SHANK2: variants seen among roughly 807,000 people sequenced by gnomAD.
The protein encoded by SHANK2 is SH3 and multiple ankyrin repeat domains 2.
A neutral mutation model predicts 133.7 loss-of-function variants in SHANK2; 43 were observed. The observed-to-expected ratio is 0.32, with a 90% CI of 0.25 to 0.41. SHANK2 has a LOEUF of 0.41. SHANK2 is among the 10% of genes least tolerant of loss of function. The probability of loss-of-function intolerance (pLI) is 1.00; values close to 1 mark genes in which losing one functional copy is unlikely to be tolerated. For missense variants in SHANK2, 1,994 were observed against 2,235.8 expected, an observed-to-expected ratio of 0.89 and a Z score of 2.18; for synonymous variants, 1,017 against 952.8, an observed-to-expected ratio of 1.07 and a Z score of -1.24.
intron 3 of SHANK2, among the ~76,000 whole-genome samples, chr11:71,128,968 A>G (rs140409292): frequency 0.011 from 1,715 of 152,264 alleles, 36 homozygotes; most frequent in African/African-American, 0.039. Context: ...TATTTTTAGT[A>G]GAGACAGGGT....
chr11:70,642,518 C>T (rs1022416906), intron 17 of SHANK2, among the ~76,000 whole-genome samples: 9 of 152,192 alleles, frequency 5.9e-5, no homozygotes, highest in African/African-American at 1.7e-4. Flanking sequence ...ATGGGGACGG[C>T]GGCTCAGCCT....
chr11:70,496,895 G>A (rs576232056), intron 21 of SHANK2: 514 of 452,350 alleles, frequency 1.1e-3, no homozygotes, highest in Non-Finnish European at 1.6e-3. Flanking sequence ...CATCACAGTC[G>A]CCACATCAGA....
At position 70,471,530 on chromosome 11, in the gene SHANK2, G is replaced by A. The variant is rs1269858824; in HGVS notation, c.*1339C>T. 22 of 397,502 alleles carry A rather than the reference G, an allele frequency of 5.5e-5. No homozygotes were observed. Among genetic ancestry groups the A allele is most frequent in the Middle Eastern group, 6.2e-4 (1 of 1,604 alleles). 24.6% of individuals were successfully genotyped at this position (397,502 alleles called of 1,614,324 possible). ...CAGAGAGGCTGACCTGGCAGCCCAG[G>A]AGACCTCCCTGCTTTCCTCTCCTCA... On this transcript the variant is annotated 3_prime_UTR_variant, in exon 26 of 26. Transcript: ENST00000601538. The surrounding 1 kb of genome is among the most constrained non-coding windows in gnomAD (Gnocchi z 4.1).
chr11:71,140,165 G>C (rs1352278758), intron 3 of SHANK2, among the ~76,000 whole-genome samples: 1 of 152,204 alleles, frequency 6.6e-6, no homozygotes, highest in African/African-American at 2.4e-5. Flanking sequence ...GCTCACACCC[G>C]GGGGATTTCT....
chr11:70,663,408 C>T (rs1352897253), intron 15 of SHANK2, among the ~76,000 whole-genome samples: 1 of 152,122 alleles, frequency 6.6e-6, no homozygotes, highest in African/African-American at 2.4e-5. Context: ...AGCGGCCCCT[C>T]GATCCTCCCA....
intron 17 of SHANK2, among the ~76,000 whole-genome samples, chr11:70,512,568 T>C (rs2059217835): frequency 6.6e-6 from 1 of 152,260 alleles, no homozygotes; most frequent in Non-Finnish European, 1.5e-5. Flanking sequence ...GTAATTCAAA[T>C]CCAAATGCTT....
At chr11:70,704,766 T>C (rs1945621321) in intron 14 of SHANK2, among the ~76,000 whole-genome samples, 1 of 152,190 alleles carries the variant, frequency 6.6e-6, no homozygotes, top group Non-Finnish European at 1.5e-5. Context: ...AAGACCTTGA[T>C]GCTAGGAGTC....
intron 15 of SHANK2, among the ~76,000 whole-genome samples, chr11:70,666,887 G>A (rs782705567): frequency 1.3e-5 from 2 of 151,968 alleles, no homozygotes; most frequent in South Asian, 2.1e-4. Context: ...GTAATCCAGC[G>A]GCGCACTCCC....
At chr11:70,901,380 G>A (rs1476509695) in intron 10 of SHANK2, among the ~76,000 whole-genome samples, 1 of 152,196 alleles carries the variant, frequency 6.6e-6, no homozygotes, top group Non-Finnish European at 1.5e-5. Context: ...CTCAGGCTGG[G>A]CACCCACAGA....
chr11:70,468,265 T>G lies in SHANK2; in HGVS notation c.*4604A>C, dbSNP rs139803865. ...AATCAATGGACAGGGATTGTTGTAA[T>G]TTTGAACATAAAACGGTAAAGACTG... On this transcript the variant is annotated 3_prime_UTR_variant, in exon 26 of 26. Coordinates refer to ENST00000601538, the MANE Select transcript of SHANK2 (RefSeq NM_012309.5). 6.6e-6 allele frequency: 1 copy of G among 152,324 alleles called. No individual in the cohort carries two copies. Among genetic ancestry groups the G allele is most frequent in the East Asian group, 1.9e-4 (1 of 5,190 alleles). The allele number at this position is 152,324 out of a possible 1,614,324, so 9.4% of individuals were successfully genotyped here.
intron 14 of SHANK2, among the ~76,000 whole-genome samples, chr11:70,724,735 T>G (rs1488500473): frequency 2.0e-5 from 3 of 152,330 alleles, no homozygotes; most frequent in Non-Finnish European, 2.9e-5. Flanking sequence ...TGGGCAGCCT[T>G]GTGTCCAAAC....
intron 14 of SHANK2, among the ~76,000 whole-genome samples, chr11:70,742,066 C>T (rs560122078): frequency 3.7e-4 from 57 of 152,336 alleles, no homozygotes; most frequent in African/African-American, 1.3e-3. Context: ...GAAAACCACT[C>T]ACAAGGCAAA....
At chr11:71,223,970 T>C (rs1176741230) in intron 2 of SHANK2, among the ~76,000 whole-genome samples, 4 of 152,174 alleles carry the variant, frequency 2.6e-5, no homozygotes, top group Non-Finnish European at 4.4e-5. Context: ...TGGTCCCTGG[T>C]ATACAAGGCC....
chr11:70,921,432 G>T (rs1370486457), intron 10 of SHANK2, among the ~76,000 whole-genome samples: 1 of 152,234 alleles, frequency 6.6e-6, no homozygotes, highest in Non-Finnish European at 1.5e-5. Context: ...GGAGTTTTTA[G>T]CAGTGAAGTA....
At position 70,535,781 on chromosome 11, in the gene SHANK2, G is replaced by T. The variant is rs555753686; in HGVS notation, c.2062-32850C>A. Among the ~76,000 whole-genome samples the T allele has an allele frequency of 6.6e-6, 1 of 152,286 alleles. No homozygotes were observed. Among genetic ancestry groups the T allele is most frequent in the African/African-American group, 2.4e-5 (1 of 41,480 alleles). On this transcript the variant is annotated intron_variant, in intron 17 of 25. Coordinates refer to ENST00000601538, the MANE Select transcript of SHANK2 (RefSeq NM_012309.5). This position sits in a 1 kb window ranked among gnomAD's most constrained non-coding sequence, Gnocchi z 4.3. ...GAAGTCCCTGTGCTCCACGGGGCAG[G>T]AGAGGTTCGGGTGGGCCATCCGCTG...
chr11:70,612,621 C>T (rs371457434), intron 17 of SHANK2, among the ~76,000 whole-genome samples: 22 of 152,328 alleles, frequency 1.4e-4, no homozygotes, highest in African/African-American at 3.4e-4. Context: ...AAACGCTCAA[C>T]GCTCCAGAAG....
At chr11:70,919,114 T>G (rs1304917404) in intron 10 of SHANK2, among the ~76,000 whole-genome samples, 1 of 152,048 alleles carries the variant, frequency 6.6e-6, no homozygotes, top group Non-Finnish European at 1.5e-5. Flanking sequence ...CAGTGAGCCG[T>G]GATCACCCCA....
intron 10 of SHANK2, among the ~76,000 whole-genome samples, chr11:70,944,940 A>G (rs1950701898): frequency 6.6e-6 from 1 of 152,178 alleles, no homozygotes; most frequent in African/African-American, 2.4e-5. Flanking sequence ...CACAGATGCT[A>G]TTATATTCTC....
At chr11:70,652,906 T>C (rs1424743187) in intron 17 of SHANK2, among the ~76,000 whole-genome samples, 1 of 152,180 alleles carries the variant, frequency 6.6e-6, no homozygotes, top group African/African-American at 2.4e-5. Context: ...ACCCATTTTA[T>C]CAACACGAAT....
Sources: allele counts gnomAD v4.1 joint callset (sites outside exome capture counted in the v4.1 genomes callset), GRCh38; gene constraint gnomAD v4.1.1; non-coding constraint Gnocchi (gnomAD v3.1); transcripts MANE v1.5; gene names NCBI Gene and HGNC (gene_info 2026-07-23, HGNC 2026-07-21).